The following GPC6 variants were observed in gnomAD, a reference collection of about 807,000 sequenced individuals.
The protein encoded by GPC6 is glypican-6.
In GPC6, 14 loss-of-function variants were observed where a neutral mutation model predicts 55.2. The observed-to-expected ratio is 0.25, with a 90% confidence interval of 0.17 to 0.40. The LOEUF (loss-of-function observed/expected upper bound fraction) is 0.40. Among genes scored for constraint, GPC6 ranks in the 10% least tolerant of loss-of-function variants. GPC6 has a pLI of 1.00. For missense variants in GPC6, 641 were observed against 708.5 expected (o/e 0.90, Z 1.08); for synonymous variants, 278 against 259.6 (o/e 1.07, Z -0.68).
At chr13:94,052,572 A>G (rs1448924032) in intron 4 of GPC6, among the ~76,000 whole-genome samples, 3 of 152,148 alleles carry the variant, frequency 2.0e-5, no homozygotes, top group Non-Finnish European at 4.4e-5. Flanking sequence ...AAACTCCTCT[A>G]GAGATTTCAA....
chr13:94,361,434 G>A (rs1879055972), intron 6 of GPC6, among the ~76,000 whole-genome samples: 1 of 152,238 alleles, frequency 6.6e-6, no homozygotes, highest in South Asian at 2.1e-4. Context: ...TGATCCTGAG[G>A]ACAGGGACTG....
intron 2 of GPC6, among the ~76,000 whole-genome samples, chr13:93,579,734 T>G (rs1876847144): frequency 6.6e-6 from 1 of 152,118 alleles, no homozygotes; most frequent in Non-Finnish European, 1.5e-5. Flanking sequence ...CAGAAGCAAT[T>G]TTAAATTGTT....
chr13:94,140,004 C>G (rs1424511426), intron 4 of GPC6, among the ~76,000 whole-genome samples: 1 of 151,532 alleles, frequency 6.6e-6, no homozygotes, highest in Admixed American at 6.6e-5. Context: ...TATTTTCATT[C>G]ATTATATCAT....
intron 4 of GPC6, among the ~76,000 whole-genome samples, chr13:94,162,471 G>T (rs1394743362): frequency 6.6e-6 from 1 of 152,184 alleles, no homozygotes; most frequent in African/African-American, 2.4e-5. Context: ...ACTGCGCCCA[G>T]CCCTGTGACA....
intron 2 of GPC6, among the ~76,000 whole-genome samples, chr13:93,826,328 C>T (rs1269188085): frequency 6.6e-6 from 1 of 152,098 alleles, no homozygotes; most frequent in African/African-American, 2.4e-5. Flanking sequence ...CAATTGCATA[C>T]ACATGTGTGT....
intron 1 of GPC6, among the ~76,000 whole-genome samples, chr13:93,392,572 G>T (rs1594138078): frequency 6.6e-6 from 1 of 152,200 alleles, no homozygotes; most frequent in Non-Finnish European, 1.5e-5. Flanking sequence ...AGGACCCTTA[G>T]CTTCTACACA....
intron 2 of GPC6, among the ~76,000 whole-genome samples, chr13:93,798,735 A>T (rs2138933710): frequency 6.6e-6 from 1 of 152,146 alleles, no homozygotes; most frequent in Admixed American, 6.5e-5. Context: ...CCTGGCTAAC[A>T]TGGTGAAAAC....
chr13:94,033,888 A>T (rs1184911176), intron 4 of GPC6, among the ~76,000 whole-genome samples: 1 of 152,196 alleles, frequency 6.6e-6, no homozygotes, highest in Non-Finnish European at 1.5e-5. Flanking sequence ...TTAATAATAC[A>T]GTCTAGAAAC....
chr13:93,758,582 CTT>C (rs1884855581), intron 2 of GPC6, among the ~76,000 whole-genome samples: 1 of 151,526 alleles, frequency 6.6e-6, no homozygotes, highest in Admixed American at 6.6e-5. Context: ...TATATATAAA[CTT>C]TTGTTAGTAG....
At chr13:94,368,103 C>T (rs565849241) in intron 6 of GPC6, among the ~76,000 whole-genome samples, 13 of 147,848 alleles carry the variant, frequency 8.8e-5, no homozygotes, top group African/African-American at 2.5e-4. Context: ...GAGCCGAGAT[C>T]GCACCACTGC....
intron 6 of GPC6, among the ~76,000 whole-genome samples, chr13:94,376,693 A>G: frequency 6.6e-6 from 1 of 152,212 alleles, no homozygotes; most frequent in Non-Finnish European, 1.5e-5. Flanking sequence ...GAATTGGAAA[A>G]AACTACTTTA....
chr13:94,192,469 C>T (rs1453165793), intron 4 of GPC6, among the ~76,000 whole-genome samples: 2 of 152,100 alleles, frequency 1.3e-5, no homozygotes, highest in Non-Finnish European at 2.9e-5. Context: ...TTAGTACTAG[C>T]TCAAGGGAAA....
At chr13:93,454,292 G>T (rs955812265) in intron 1 of GPC6, among the ~76,000 whole-genome samples, 1 of 150,992 alleles carries the variant, frequency 6.6e-6, no homozygotes, top group Non-Finnish European at 1.5e-5. Context: ...GTCCATTGGT[G>T]TACTCACAAA....
intron 3 of GPC6, among the ~76,000 whole-genome samples, chr13:93,884,714 A>T (rs539970889): frequency 1.3e-5 from 2 of 152,204 alleles, no homozygotes; most frequent in South Asian, 4.1e-4. Flanking sequence ...TTTATTTTAA[A>T]CGTCCCTCCA....
intron 1 of GPC6, among the ~76,000 whole-genome samples, chr13:93,384,399 A>G (rs9589725): frequency 0.032 from 4,871 of 151,614 alleles, 267 homozygotes; most frequent in African/African-American, 0.11. Flanking sequence ...TTTTTTTTAA[A>G]AAAAAGGCAA....
intron 3 of GPC6, among the ~76,000 whole-genome samples, chr13:93,944,507 C>T (rs1409037241): frequency 6.6e-6 from 1 of 152,250 alleles, no homozygotes. Context: ...CCCAGCCCAC[C>T]TTCTTCTATC....
At chr13:93,973,701 CCT>C (rs1004055031) in intron 3 of GPC6, among the ~76,000 whole-genome samples, 26 of 152,124 alleles carry the variant, frequency 1.7e-4, no homozygotes, top group African/African-American at 6.3e-4. Flanking sequence ...CAATATTTAC[CCT>C]GTTTCAGTTA....
intron 5 of GPC6, among the ~76,000 whole-genome samples, chr13:94,294,525 T>C (rs9524413): frequency 0.015 from 2,352 of 151,926 alleles, 32 homozygotes; most frequent in East Asian, 0.036. Context: ...TTTCCTCATC[T>C]GTGAAAGGAG....
At chr13:93,598,915 TGAA>T (rs1393302129) in intron 2 of GPC6, among the ~76,000 whole-genome samples, 2 of 152,210 alleles carry the variant, frequency 1.3e-5, no homozygotes, top group African/African-American at 4.8e-5. Context: ...TTCTCACCAA[TGAA>T]GAATAAACAT....
Sources: gnomAD v4.1 joint callset for allele counts (sites outside exome capture counted in the v4.1 genomes callset) on GRCh38, gnomAD v4.1.1 for gene constraint, MANE v1.5 for transcripts, NCBI Gene and HGNC (gene_info 2026-07-23, HGNC 2026-07-21) for gene names.